Variants in NKAIN3 observed in about 807,000 individuals in gnomAD.
NKAIN3 encodes sodium/potassium-transporting ATPase subunit beta-1-interacting protein 3.
NKAIN3 carries 25 observed loss-of-function variants against 30.2 expected under a neutral mutation model. The observed-to-expected ratio is 0.83, with a 90% confidence interval of 0.60 to 1.16. The LOEUF (loss-of-function observed/expected upper bound fraction) is 1.16. Among genes scored for constraint, NKAIN3 ranks in the 50% most tolerant of loss-of-function variants. The probability of loss-of-function intolerance (pLI) is 0.00; values close to 1 mark genes in which losing one functional copy is unlikely to be tolerated. For missense variants in NKAIN3, 225 were observed against 254.1 expected, an observed-to-expected ratio of 0.89 and a Z score of 0.78; for synonymous variants, 91 against 89.6, an observed-to-expected ratio of 1.02 and a Z score of -0.09.
intron 1 of NKAIN3, among the ~76,000 whole-genome samples, chr8:62,264,476 T>G (rs1812545784): frequency 6.6e-6 from 1 of 152,222 alleles, no homozygotes; most frequent in South Asian, 2.1e-4. Context: ...AGTGGCTGAC[T>G]AGAGAAACTT....
At chr8:62,854,488 C>T (rs1416621912) in intron 4 of NKAIN3, among the ~76,000 whole-genome samples, 1 of 152,114 alleles carries the variant, frequency 6.6e-6, no homozygotes, top group Non-Finnish European at 1.5e-5. Flanking sequence ...TTAGTTTAAA[C>T]TCTATCTTAT....
chr8:62,476,119 G>A (rs545271777), intron 1 of NKAIN3, among the ~76,000 whole-genome samples: 1 of 152,198 alleles, frequency 6.6e-6, no homozygotes, highest in African/African-American at 2.4e-5. Context: ...TCAGATGAGG[G>A]TTGTACTAGG....
chr8:62,590,368 G>A (rs1011353931), intron 3 of NKAIN3, among the ~76,000 whole-genome samples: 1 of 151,724 alleles, frequency 6.6e-6, no homozygotes, highest in Admixed American at 6.6e-5. Flanking sequence ...TGATACACAC[G>A]TTATTTCTGC....
rs184006318 is a variant in NKAIN3 at position 62,532,365 on chromosome 8, G to A, written c.55-47174G>A. ...CCCCTGCCCAGTCCCCTAAAGCTTCGCACCTTCATGATCCAATACTACATA... is the reference window on the plus strand; with the variant it reads ...CCCCTGCCCAGTCCCCTAAAGCTTCACACCTTCATGATCCAATACTACATA... On this transcript the variant is annotated intron_variant, in intron 1 of 6. Transcript: ENST00000623646. Among the ~76,000 whole-genome samples, 358 of 151,846 alleles carry A rather than the reference G, an allele frequency of 2.4e-3. 2 individuals are homozygous for A. The highest frequency in any genetic ancestry group is 7.8e-3 in the African/African-American group (323 of 41,334).
At chr8:62,816,237 G>A (rs999844405) in intron 4 of NKAIN3, among the ~76,000 whole-genome samples, 6 of 152,144 alleles carry the variant, frequency 3.9e-5, no homozygotes, top group African/African-American at 1.4e-4. Context: ...TGGTGCTTTG[G>A]CATTGGTTCT....
chr8:62,378,850 A>T, intron 1 of NKAIN3, among the ~76,000 whole-genome samples: 1 of 152,162 alleles, frequency 6.6e-6, no homozygotes, highest in South Asian at 2.1e-4. Flanking sequence ...CCCCACACAA[A>T]GTCCCACTGG....
chr8:62,326,185 T>C (rs1289082790), intron 1 of NKAIN3, among the ~76,000 whole-genome samples: 1 of 151,704 alleles, frequency 6.6e-6, no homozygotes, highest in Non-Finnish European at 1.5e-5. Context: ...ATATTGCATC[T>C]TTTTTTTCTA....
intron 6 of NKAIN3, 67 bp from the exon 7 acceptor site, chr8:62,965,287 T>G: frequency 1.0e-6 from 1 of 985,726 alleles, no homozygotes; most frequent in Non-Finnish European, 1.2e-6. Context: ...AAGGCCTCAA[T>G]GAATATAAAA....
At chr8:62,724,216 CTTAT>C (rs751646893) in intron 3 of NKAIN3, among the ~76,000 whole-genome samples, 4 of 152,002 alleles carry the variant, frequency 2.6e-5, no homozygotes, top group East Asian at 1.9e-4. Context: ...CCTCCCTATA[CTTAT>C]TTATTATTTT....
intron 4 of NKAIN3, among the ~76,000 whole-genome samples, chr8:62,901,948 T>C (rs1456881969): frequency 6.6e-6 from 1 of 152,172 alleles, no homozygotes; most frequent in African/African-American, 2.4e-5. Flanking sequence ...ATACCCTCAA[T>C]GGCTCCTTAT....
At chr8:62,495,862 T>C (rs1413699397) in intron 1 of NKAIN3, among the ~76,000 whole-genome samples, 2 of 152,068 alleles carry the variant, frequency 1.3e-5, no homozygotes, top group Non-Finnish European at 2.9e-5. Context: ...AATTCATGAG[T>C]TGACCTCCAA....
At chr8:62,658,097 T>G (rs1193555956) in intron 3 of NKAIN3, among the ~76,000 whole-genome samples, 1 of 152,198 alleles carries the variant, frequency 6.6e-6, no homozygotes, top group Non-Finnish European at 1.5e-5. Context: ...CCCAAGTACT[T>G]ATGTTTGGCT....
At chr8:62,870,281 A>ATATCTATATCT (rs1586292215) in intron 4 of NKAIN3, among the ~76,000 whole-genome samples, 45 of 34,736 alleles carry the variant, frequency 1.3e-3, no homozygotes, top group African/African-American at 2.7e-3. Flanking sequence ...GATATATATA[A>ATATCTATATCT]ATATCTATAG....
intron 1 of NKAIN3, among the ~76,000 whole-genome samples, chr8:62,377,428 G>A (rs887331770): frequency 6.6e-6 from 1 of 152,084 alleles, no homozygotes; most frequent in Non-Finnish European, 1.5e-5. Context: ...GAGTGTAAGA[G>A]CAAAGGTGAA....
chr8:62,517,374 G>A (rs1320112513), intron 1 of NKAIN3, among the ~76,000 whole-genome samples: 1 of 152,032 alleles, frequency 6.6e-6, no homozygotes, highest in African/African-American at 2.4e-5. Context: ...TAACTCTCTA[G>A]GGCAATTGTT....
At chr8:62,540,759 C>T (rs1808811646) in intron 1 of NKAIN3, among the ~76,000 whole-genome samples, 1 of 150,814 alleles carries the variant, frequency 6.6e-6, no homozygotes, top group African/African-American at 2.5e-5. Flanking sequence ...TAAATAATCT[C>T]CTATTGTCTA....
In NKAIN3 at chr8:62,671,586, G is replaced by T. The variant is rs913873032; in HGVS notation, c.274-75346G>T. Among the ~76,000 whole-genome samples, 4 of 151,990 alleles carry T rather than the reference G, an allele frequency of 2.6e-5. No individual in the cohort carries two copies. In the East Asian group the frequency reaches 5.8e-4, roughly 22 times the overall value. Reference sequence around the variant, plus strand: ...GAGGAAATAAAAATTAATGATAAGTGCCCTTTGTTTTCCAAGTAGTATAAA... The same window carrying T: ...GAGGAAATAAAAATTAATGATAAGTTCCCTTTGTTTTCCAAGTAGTATAAA... On this transcript the variant is annotated intron_variant, in intron 3 of 6. Transcript: ENST00000623646.
intron 6 of NKAIN3, among the ~76,000 whole-genome samples, chr8:62,962,555 C>T (rs1405033364): frequency 2.0e-5 from 3 of 152,186 alleles, no homozygotes; most frequent in African/African-American, 7.2e-5. Flanking sequence ...CAAGGTAATT[C>T]TTTGCAGTGG....
chr8:62,451,242 CTCTCTTCTCT>C (rs1032239684), intron 1 of NKAIN3, among the ~76,000 whole-genome samples: 3 of 151,336 alleles, frequency 2.0e-5, no homozygotes, highest in African/African-American at 4.9e-5. Flanking sequence ...CTTCTCTTCT[CTCTCTTCTCT>C]TCTCTTCTCC....
Sources: allele counts gnomAD v4.1 joint callset (sites outside exome capture counted in the v4.1 genomes callset), GRCh38; gene constraint gnomAD v4.1.1; transcripts MANE v1.5; gene names NCBI Gene and HGNC (gene_info 2026-07-23, HGNC 2026-07-21).